PABIR1: variants seen among roughly 807,000 people sequenced by gnomAD.
The protein encoded by PABIR1 is PP2A Aalpha (PPP2R1A) and B55A (PPP2R2A) interacting phosphatase regulator 1, also known as PPP2R1A-PPP2R2A-interacting phosphatase regulator 1.
Under a neutral mutation model 14.6 loss-of-function variants are expected in PABIR1, and 2 were observed. The observed-to-expected ratio is 0.14, with a 90% confidence interval of 0.06 to 0.43. PABIR1 has a LOEUF of 0.43. Among genes scored for constraint, PABIR1 ranks in the 20% least tolerant of loss-of-function variants. The pLI, the probability that PABIR1 is intolerant of heterozygous loss-of-function variation, is 0.99. For synonymous variants in PABIR1, 163 were observed against 155.4 expected (o/e 1.05, Z -0.36); for missense variants, 294 against 379.0 (o/e 0.78, Z 1.86).
Position 68,780,087 on chromosome 9 carries a change from C to G in PABIR1, c.-78C>G. 1 of 1,411,356 alleles carries G rather than the reference C, an allele frequency of 7.1e-7. No homozygotes were observed. The allele number at this position is 1,411,356 out of a possible 1,614,324, so 87.4% of individuals were successfully genotyped here. A position where few individuals can be genotyped will look rare whatever the true frequency, so the allele number is the denominator to read the frequency against. On this transcript the variant is annotated 5_prime_UTR_variant, in exon 1 of 1. Coordinates refer to ENST00000394264, the MANE Select transcript of PABIR1 (RefSeq NM_138333.5). ...GACAGATTCTCGGTGGCGGCGGCAGCGGCGGCGGCCCTGGACTGCGGGGAA... is the reference window on the plus strand; with the variant it reads ...GACAGATTCTCGGTGGCGGCGGCAGGGGCGGCGGCCCTGGACTGCGGGGAA...
In PABIR1 at chr9:68,780,396, G is replaced by T. The variant is rs1344099489; in HGVS notation, c.232G>T (p.Val78Phe). 1 of 1,613,794 alleles carries T rather than the reference G, an allele frequency of 6.2e-7. No individual in the cohort carries two copies. Among genetic ancestry groups the T allele is most frequent in the Non-Finnish European group, 8.5e-7 (1 of 1,180,052 alleles). Residue 78 changes from valine to phenylalanine, a missense_variant, in exon 1 of 1, where the codon GTC becomes TTC. This residue lies in a region of PABIR1 where 103 missense variants were observed against 175.9 expected (regional missense o/e 0.59). Transcript: ENST00000394264. ...RHGLLLPASPVRMHSSRLHQI... is the reference protein window; with the variant it reads ...RHGLLLPASPFRMHSSRLHQI... ...CGGCCTGCTGCTGCCGGCCTCCCCT[G>T]TCCGCATGCACAGCAGCCGCTTGCA...
chr9:68,781,128 T>G lies in PABIR1; in HGVS notation c.*100T>G. On this transcript the variant is annotated 3_prime_UTR_variant, in exon 1 of 1. Transcript: ENST00000394264. ...CAATTAATTTGAGGCTATTTCCTAT[T>G]TGACCCCTTTTCTTTTTTGAAATTC... 6.9e-7 allele frequency: 1 copy of G among 1,448,760 alleles called. No individual in the cohort carries two copies. Among genetic ancestry groups the G allele is most frequent in the South Asian group, 1.4e-5 (1 of 71,882 alleles). The allele number at this position is 1,448,760 out of a possible 1,614,324, so 89.7% of individuals were successfully genotyped here.
At position 68,780,207 on chromosome 9, in the gene PABIR1, G is replaced by C; in HGVS notation, c.43G>C (p.Gly15Arg). 1 of 1,536,988 alleles carries C rather than the reference G, an allele frequency of 6.5e-7. No individual in the cohort carries two copies. The highest frequency in any genetic ancestry group is 8.7e-7 in the Non-Finnish European group (1 of 1,148,902). ...KMELDLELPPGTGGSPAEGGG... is the reference protein window; with the variant it reads ...KMELDLELPPRTGGSPAEGGG... The stretch of plus-strand genomic sequence containing the variant: ...GGAGCTAGACCTGGAGCTGCCTCCG[G>C]GTACGGGCGGGAGCCCGGCGGAGGG... Residue 15 changes from glycine (G) to arginine (R), a missense_variant, in exon 1 of 1, where the codon GGT (glycine) becomes CGT (arginine). By Grantham distance (125) the Gly-to-Arg change is moderately radical. Transcript: ENST00000394264.
In PABIR1 at chr9:68,780,088, GGCGGCGGCCC is replaced by G; in HGVS notation, c.-76_-67del. The G allele has an allele frequency of 7.5e-7, 1 of 1,326,700 alleles. No individual in the cohort carries two copies. The highest frequency in any genetic ancestry group is 9.7e-7 in the Non-Finnish European group (1 of 1,033,068). The allele number at this position is 1,326,700 out of a possible 1,614,324, so 82.2% of individuals were successfully genotyped here. On this transcript the variant is annotated 5_prime_UTR_variant, in exon 1 of 1. Coordinates refer to ENST00000394264, the MANE Select transcript of PABIR1 (RefSeq NM_138333.5). ...ACAGATTCTCGGTGGCGGCGGCAGCGGCGGCGGCCCTGGACTGCGGGGAATGGGAATCCTA... is the reference window on the plus strand; with the variant it reads ...ACAGATTCTCGGTGGCGGCGGCAGCGTGGACTGCGGGGAATGGGAATCCTA...
rs368567624 is a variant in PABIR1, at chr9:68,780,296, C to T, written c.132C>T (p.Leu44=). Residue 44 remains leucine, a synonymous_variant, in exon 1 of 1, where the codon CTC becomes CTT. Transcript: ENST00000394264. ...ACAGCGCCCCCCTGATCCACGGCCT[C>T]AGTGACACTTCGCCGGTGTTCCAGG... ...RSNSAPLIHG[L]SDTSPVFQAE... is the part of the protein sequence containing the mutation. 1.3e-6 allele frequency: 2 copies of T among 1,596,788 alleles called. No homozygotes were observed. The highest frequency in any genetic ancestry group is 1.7e-6 in the Non-Finnish European group (2 of 1,171,858).
In PABIR1 at chr9:68,780,395, T is replaced by C. The variant is rs971651151; in HGVS notation, c.231T>C (p.Pro77=). The change falls in exon 1 of 1, where the codon CCT becomes CCC. Residue 77 remains proline, a synonymous_variant. Transcript: ENST00000394264. ...SRHGLLLPAS[P]VRMHSSRLHQ... is the part of the protein sequence containing the mutation. ...ACGGCCTGCTGCTGCCGGCCTCCCC[T>C]GTCCGCATGCACAGCAGCCGCTTGC... 7.4e-6 allele frequency: 12 copies of C among 1,613,778 alleles called. No individual in the cohort carries two copies. The African/African-American group carries it at 1.6e-4, about 22-fold the overall frequency.
rs1042524620 is a variant in PABIR1 at position 68,780,153 on chromosome 9, C to T, written c.-12C>T. 2.6e-6 allele frequency: 4 copies of T among 1,509,798 alleles called. No homozygotes were observed. The highest frequency in any genetic ancestry group is 3.5e-6 in the Non-Finnish European group (4 of 1,132,888). The allele number at this position is 1,509,798 out of a possible 1,614,324, so 93.5% of individuals were successfully genotyped here. ...CCTGACTGAGCACCTCCCCCGCCTC[C>T]CTGCCCCCGACATGGCTCAGGAGAA... On this transcript the variant is annotated 5_prime_UTR_variant, in exon 1 of 1. Transcript: ENST00000394264.
rs1237895228 is a variant in PABIR1, at chr9:68,783,310, G to C, written c.*2282G>C. On this transcript the variant is annotated 3_prime_UTR_variant, in exon 1 of 1. Coordinates refer to ENST00000394264, the MANE Select transcript of PABIR1 (RefSeq NM_138333.5). ...TTATTCTGCAAACATTAGACCACTT[G>C]ATATTCTTTAAATATGTCATGTACT... 1 of 166,738 alleles carries C rather than the reference G, an allele frequency of 6.0e-6. No homozygotes were observed. Among genetic ancestry groups the C allele is most frequent in the African/African-American group, 2.4e-5 (1 of 41,420 alleles). The allele number at this position is 166,738 out of a possible 1,614,324, so 10.3% of individuals were successfully genotyped here.
Position 68,780,642 on chromosome 9 carries a change from T to C in PABIR1, c.478T>C (p.Ser160Pro). 1 of 1,614,224 alleles carries C rather than the reference T, an allele frequency of 6.2e-7. No individual in the cohort carries two copies. Among genetic ancestry groups the C allele is most frequent in the Non-Finnish European group, 8.5e-7 (1 of 1,180,040 alleles). Residue 160 changes from serine to proline, a missense_variant, in exon 1 of 1, where the codon TCC becomes CCC. By Grantham distance (74) the Ser-to-Pro change is moderately conservative. Around this residue, in one of 3 missense-constraint regions of PABIR1, gnomAD observed 103 missense variants for 175.9 expected, o/e 0.59. Transcript: ENST00000394264. ...AATTGGGAAGCAGTGTTTTTCGCCA[T>C]CCTTGCAAAGTTTTGTAAGTAGCAA... The part of the protein sequence containing the change: ...RGIGKQCFSP[S>P]LQSFVSSNGL...
chr9:68,780,083 G>A lies in PABIR1; in HGVS notation c.-82G>A. On this transcript the variant is annotated 5_prime_UTR_variant, in exon 1 of 1. Coordinates refer to ENST00000394264, the MANE Select transcript of PABIR1 (RefSeq NM_138333.5). ...CGCTGACAGATTCTCGGTGGCGGCG[G>A]CAGCGGCGGCGGCCCTGGACTGCGG... 2.8e-6 allele frequency: 4 copies of A among 1,424,072 alleles called. No individual in the cohort carries two copies. The highest frequency in any genetic ancestry group is 5.9e-5 in the Admixed American group (2 of 33,748). The allele number at this position is 1,424,072 out of a possible 1,614,324, so 88.2% of individuals were successfully genotyped here.
At position 68,781,329 on chromosome 9, in the gene PABIR1, GCT is replaced by G. The variant is rs892060492; in HGVS notation, c.*304_*305del. On this transcript the variant is annotated 3_prime_UTR_variant, in exon 1 of 1. Coordinates refer to ENST00000394264, the MANE Select transcript of PABIR1 (RefSeq NM_138333.5). The stretch of plus-strand genomic sequence containing the variant: ...CCTTGATTTTTTTAAATAACTGAGA[GCT>G]CTATTTATTTATGGGATTATTAAGT... 2.0e-4 allele frequency: 51 copies of G among 259,452 alleles called. No homozygotes were observed. Among genetic ancestry groups the G allele is most frequent in the African/African-American group, 1.0e-3 (45 of 44,086 alleles). 16.1% of individuals were successfully genotyped at this position (259,452 alleles called of 1,614,324 possible). A position where few individuals can be genotyped will look rare whatever the true frequency, so the allele number is the denominator to read the frequency against.
chr9:68,780,900 G>A lies in PABIR1; in HGVS notation c.736G>A (p.Gly246Arg). 2 of 1,614,176 alleles carry A rather than the reference G, an allele frequency of 1.2e-6. No homozygotes were observed. ...GTGTGTATCTTCGGATACCCTTGAT[G>A]GAAACAGCAGCAGTGCCGGATCTTC... is the stretch of plus-strand genomic sequence containing the variant. ...GVCVSSDTLDGNSSSAGSSCN... is the reference protein window; with the variant it reads ...GVCVSSDTLDRNSSSAGSSCN... Residue 246 changes from glycine to arginine, a missense_variant, in exon 1 of 1, where the codon GGA becomes AGA. Coordinates refer to ENST00000394264, the MANE Select transcript of PABIR1 (RefSeq NM_138333.5).
In PABIR1 at chr9:68,780,275, C is replaced by T. The variant is rs1487375449; in HGVS notation, c.111C>T (p.Ser37=). 1.9e-6 allele frequency: 3 copies of T among 1,577,108 alleles called. No homozygotes were observed. The highest frequency in any genetic ancestry group is 1.7e-6 in the Non-Finnish European group (2 of 1,164,030). ...GGGGGLRRSN[S]APLIHGLSDT... is the part of the protein sequence containing the mutation. Reference sequence around the variant, plus strand: ...GCGGGGGCCTCAGGAGGTCTAACAGCGCCCCCCTGATCCACGGCCTCAGTG... The same window carrying T: ...GCGGGGGCCTCAGGAGGTCTAACAGTGCCCCCCTGATCCACGGCCTCAGTG... Residue 37 remains serine, a synonymous_variant, in exon 1 of 1, where the codon AGC becomes AGT. Coordinates refer to ENST00000394264, the MANE Select transcript of PABIR1 (RefSeq NM_138333.5).
Position 68,781,036 on chromosome 9 carries a change from A to C in PABIR1, c.*8A>C, listed in dbSNP as rs566727771. On this transcript the variant is annotated 3_prime_UTR_variant, in exon 1 of 1. Coordinates refer to ENST00000394264, the MANE Select transcript of PABIR1 (RefSeq NM_138333.5). ...GAACTTTCGTCTAAGTGATTCACTC[A>C]TCCTGAGACTTTCTTTTTGCAGTGG... is the stretch of plus-strand genomic sequence containing the variant. 42 of 1,605,096 alleles carry C rather than the reference A, an allele frequency of 2.6e-5. 1 individual carries two copies. The highest frequency in any genetic ancestry group is 3.3e-5 in the Non-Finnish European group (39 of 1,174,070).
chr9:68,782,576 G>A lies in PABIR1; in HGVS notation c.*1548G>A, dbSNP rs148768467. ...CGCTTACAGAGACTTTAACAATTTTGTGGAATTTTTACAACTATGAGAGTA... is the reference window on the plus strand; with the variant it reads ...CGCTTACAGAGACTTTAACAATTTTATGGAATTTTTACAACTATGAGAGTA... On this transcript the variant is annotated 3_prime_UTR_variant, in exon 1 of 1. Coordinates refer to ENST00000394264, the MANE Select transcript of PABIR1 (RefSeq NM_138333.5). The A allele has an allele frequency of 9.1e-4, 152 of 167,176 alleles. No individual in the cohort carries two copies. The highest frequency in any genetic ancestry group is 3.5e-3 in the African/African-American group (147 of 41,566). The allele number at this position is 167,176 out of a possible 1,614,324, so 10.4% of individuals were successfully genotyped here.
chr9:68,780,083 GC>G lies in PABIR1; in HGVS notation c.-81del. On this transcript the variant is annotated 5_prime_UTR_variant, in exon 1 of 1. Transcript: ENST00000394264. The stretch of plus-strand genomic sequence containing the variant: ...CGCTGACAGATTCTCGGTGGCGGCG[GC>G]AGCGGCGGCGGCCCTGGACTGCGGG... The G allele has an allele frequency of 7.0e-7, 1 of 1,424,128 alleles. No individual in the cohort carries two copies. Among genetic ancestry groups the G allele is most frequent in the Non-Finnish European group, 9.2e-7 (1 of 1,091,012 alleles). The allele number at this position is 1,424,128 out of a possible 1,614,324, so 88.2% of individuals were successfully genotyped here. A position where few individuals can be genotyped will look rare whatever the true frequency, so the allele number is the denominator to read the frequency against.
Position 68,780,256 on chromosome 9 carries a change from G to T in PABIR1, c.92G>T (p.Gly31Val), listed in dbSNP as rs1831176970. 3 of 1,551,460 alleles carry T rather than the reference G, an allele frequency of 1.9e-6. No individual in the cohort carries two copies. Among genetic ancestry groups the T allele is most frequent in the East Asian group, 2.3e-5 (1 of 44,402 alleles). The change falls in exon 1 of 1, where the codon GGC becomes GTC. Residue 31 changes from glycine to valine, a missense_variant. Physicochemically the swap from Gly to Val is moderately radical, Grantham distance 109 (BLOSUM62 -3). This residue lies in a region of PABIR1 where 96 missense variants were observed against 102.2 expected (regional missense o/e 0.94). Transcript: ENST00000394264. The part of the protein sequence containing the change: ...AEGGGSGGGG[G>V]LRRSNSAPLI... The stretch of plus-strand genomic sequence containing the variant: ...GGCGGTGGCAGCGGCGGCGGCGGGG[G>T]CCTCAGGAGGTCTAACAGCGCCCCC...
At position 68,780,599 on chromosome 9, in the gene PABIR1, A is replaced by G; in HGVS notation, c.435A>G (p.Ala145=). 6.2e-7 allele frequency: 1 copy of G among 1,614,184 alleles called. No homozygotes were observed. Among genetic ancestry groups the G allele is most frequent in the Non-Finnish European group, 8.5e-7 (1 of 1,180,034 alleles). The change falls in exon 1 of 1, where the codon GCA becomes GCG. Residue 145 remains alanine (A), a synonymous_variant. Coordinates refer to ENST00000394264, the MANE Select transcript of PABIR1 (RefSeq NM_138333.5). ...KRIDFIPVSP[A]PSPTRGIGKQ... ...TCGATTTCATTCCTGTGTCACCAGC[A>G]CCGTCACCCACTCGGGGAATTGGGA...
chr9:68,781,236 G>A lies in PABIR1; in HGVS notation c.*208G>A. On this transcript the variant is annotated 3_prime_UTR_variant, in exon 1 of 1. Transcript: ENST00000394264. ...ATTCAGTGTAGTAATATTTTCAGAC[G>A]TTTCCCCAATAAGTGTGTTGAAGCA... The A allele has an allele frequency of 1.6e-6, 1 of 611,934 alleles. No individual in the cohort carries two copies. The highest frequency in any genetic ancestry group is 2.8e-6 in the Non-Finnish European group (1 of 351,682). 37.9% of individuals were successfully genotyped at this position (611,934 alleles called of 1,614,324 possible). A position where few individuals can be genotyped will look rare whatever the true frequency, so the allele number is the denominator to read the frequency against.
Sources: gnomAD v4.1 joint callset for allele counts on GRCh38, gnomAD v4.1.1 for gene constraint, gnomAD v4.1.1 regional missense constraint, MANE v1.5 for transcripts, NCBI Gene and HGNC (gene_info 2026-07-23, HGNC 2026-07-21) for gene names.